The following SLC2A12 variants were observed in gnomAD, a reference collection of about 807,000 sequenced individuals.
The protein encoded by SLC2A12 is solute carrier family 2, facilitated glucose transporter member 12.
In SLC2A12, 23 loss-of-function variants were observed where a neutral mutation model predicts 41.8. The ratio of observed to expected loss-of-function variants is 0.55; its 90% CI spans 0.40 to 0.78. SLC2A12 has a LOEUF of 0.78. SLC2A12 is among the 30% of genes least tolerant of loss of function. The pLI, the probability that SLC2A12 is intolerant of heterozygous loss-of-function variation, is 0.00. For synonymous variants in SLC2A12, 295 were observed against 285.9 expected, an observed-to-expected ratio of 1.03 and a Z score of -0.32; for missense variants, 654 against 745.6, an observed-to-expected ratio of 0.88 and a Z score of 1.43.
intron 1 of SLC2A12, among the ~76,000 whole-genome samples, chr6:134,040,459 A>C (rs754737408): frequency 6.6e-6 from 1 of 152,188 alleles, no homozygotes; most frequent in Admixed American, 6.5e-5. Flanking sequence ...AGAAGCTTAC[A>C]TCATAGTGGC....
chr6:134,041,681 G>A (rs936499045), intron 1 of SLC2A12, among the ~76,000 whole-genome samples: 1 of 152,094 alleles, frequency 6.6e-6, no homozygotes, highest in Non-Finnish European at 1.5e-5. Context: ...GGCAGTCTAC[G>A]GGAATCCAAC....
intron 1 of SLC2A12, among the ~76,000 whole-genome samples, chr6:134,049,455 A>G (rs1166835315): frequency 2.6e-5 from 4 of 152,228 alleles, no homozygotes. Flanking sequence ...AGAGGCCACC[A>G]GGGTCAGTTC....
chr6:133,991,103 A>T lies in SLC2A12; in HGVS notation c.*52T>A. 1 of 1,562,220 alleles carries T rather than the reference A, an allele frequency of 6.4e-7. No homozygotes were observed. Among genetic ancestry groups the T allele is most frequent in the Non-Finnish European group, 8.6e-7 (1 of 1,157,618 alleles). The stretch of plus-strand genomic sequence containing the variant: ...GTCGCAACTATGCATTGGTCCAAAG[A>T]CACCCTCCTAAGTGTTCTGGCACTA... On this transcript the variant is annotated 3_prime_UTR_variant, in exon 5 of 5. Coordinates refer to ENST00000275230, the MANE Select transcript of SLC2A12 (RefSeq NM_145176.3).
At position 133,995,463 on chromosome 6, in the gene SLC2A12, G is replaced by A. The variant is rs148504038; in HGVS notation, c.1701-4155C>T. ...TGATTATGTCCATTTTCTCAGTGAA[G>A]TCAGAAGCAAGGCCATCAGTGAGGA... On this transcript the variant is annotated intron_variant, in intron 4 of 4. Coordinates refer to ENST00000275230, the MANE Select transcript of SLC2A12 (RefSeq NM_145176.3). Among the ~76,000 whole-genome samples the A allele has an allele frequency of 7.3e-4, 111 of 152,252 alleles. 3 individuals are homozygous for A. The highest frequency in any genetic ancestry group is 5.9e-5 in the Non-Finnish European group (4 of 68,020).
intron 2 of SLC2A12, among the ~76,000 whole-genome samples, chr6:134,022,064 G>T (rs980048951): frequency 6.6e-6 from 1 of 152,158 alleles, no homozygotes; most frequent in East Asian, 1.9e-4. Flanking sequence ...AGTAAATCGT[G>T]GCCCTATGGT....
intron 3 of SLC2A12, among the ~76,000 whole-genome samples, chr6:134,002,561 C>G (rs151121759): frequency 0.013 from 1,930 of 152,172 alleles, 43 homozygotes; most frequent in African/African-American, 0.044. Context: ...AGTTTCTGTT[C>G]GGTGGACAAT....
intron 2 of SLC2A12, among the ~76,000 whole-genome samples, chr6:134,008,277 A>G (rs1776838981): frequency 1.3e-5 from 2 of 152,170 alleles, no homozygotes; most frequent in Non-Finnish European, 2.9e-5. Flanking sequence ...TGTAGAAAAA[A>G]CATCTGCTGG....
chr6:134,009,681 T>C (rs1337590453), intron 2 of SLC2A12, among the ~76,000 whole-genome samples: 1 of 151,386 alleles, frequency 6.6e-6, no homozygotes, highest in East Asian at 1.9e-4. Flanking sequence ...TAAAATAAAA[T>C]AAAATAAAAT....
intron 1 of SLC2A12, among the ~76,000 whole-genome samples, chr6:134,037,144 A>ATTTTTTTTTTTTTTTTTTTTT (rs533155835): frequency 1.2e-5 from 1 of 83,312 alleles, no homozygotes; most frequent in African/African-American, 5.6e-5. Flanking sequence ...ACTCGATTCA[A>ATTTTTTTTTTTTTTTTTTTTT]TTTTTTTTTT....
intron 1 of SLC2A12, among the ~76,000 whole-genome samples, chr6:134,032,457 T>A (rs1435094968): frequency 4.3e-4 from 16 of 37,088 alleles, no homozygotes; most frequent in African/African-American, 1.9e-3. Context: ...TAAATATATA[T>A]ATATATATTT....
chr6:134,005,348 ATGAGCC>A (rs1315868779), intron 3 of SLC2A12, among the ~76,000 whole-genome samples: 2 of 152,154 alleles, frequency 1.3e-5, no homozygotes, highest in Non-Finnish European at 2.9e-5. Flanking sequence ...GAAAGTAACA[ATGAGCC>A]TGACCTTATT....
At chr6:134,046,157 C>CT (rs977254853) in intron 1 of SLC2A12, among the ~76,000 whole-genome samples, 2 of 152,150 alleles carry the variant, frequency 1.3e-5, no homozygotes, top group African/African-American at 4.8e-5. Flanking sequence ...ACTCCCAACT[C>CT]TAACTTCCAT....
chr6:134,005,242 T>G (rs1268489062), intron 3 of SLC2A12, among the ~76,000 whole-genome samples: 1 of 152,170 alleles, frequency 6.6e-6, no homozygotes, highest in Non-Finnish European at 1.5e-5. Context: ...AGCCATTTTT[T>G]GTTTTGCTTG....
chr6:134,026,396 A>T (rs1777112526), intron 2 of SLC2A12, among the ~76,000 whole-genome samples: 1 of 152,216 alleles, frequency 6.6e-6, no homozygotes, highest in African/African-American at 2.4e-5. Flanking sequence ...TTGGTACAAG[A>T]CTGCACCTAT....
chr6:134,051,065 C>T (rs1412910971), intron 1 of SLC2A12, among the ~76,000 whole-genome samples: 1 of 152,106 alleles, frequency 6.6e-6, no homozygotes, highest in African/African-American at 2.4e-5. Context: ...CAGGCATGTG[C>T]CACTATGCTC....
chr6:134,016,166 G>T (rs986730899), intron 2 of SLC2A12, among the ~76,000 whole-genome samples: 1 of 152,062 alleles, frequency 6.6e-6, no homozygotes, highest in Non-Finnish European at 1.5e-5. Flanking sequence ...TAATAGCCTT[G>T]TTGTAGGCTG....
rs59102121 is a variant in SLC2A12, at chr6:133,987,648, G to GTATATATATATATATA, written c.*3491_*3506dup. 3.1e-3 allele frequency: 275 copies of GTATATATATATATATA among 88,348 alleles called. 3 individuals are homozygous for GTATATATATATATATA. The highest frequency in any genetic ancestry group is 9.4e-3 in the African/African-American group (260 of 27,530). The allele number at this position is 88,348 out of a possible 1,614,324, so 5.5% of individuals were successfully genotyped here. ...TTTGTGTGTGTGTGTGTGTGTGTGT[G>GTATATATATATATATA]TATATATATATATATATATGCACCA... On this transcript the variant is annotated 3_prime_UTR_variant, in exon 5 of 5. Coordinates refer to ENST00000275230, the MANE Select transcript of SLC2A12 (RefSeq NM_145176.3).
chr6:134,050,834 G>A (rs567560819), intron 1 of SLC2A12, among the ~76,000 whole-genome samples: 10 of 152,228 alleles, frequency 6.6e-5, no homozygotes, highest in African/African-American at 2.4e-4. Context: ...GGGAACTTGT[G>A]GGCCAATGAG....
chr6:134,015,195 C>T (rs1029763877), intron 2 of SLC2A12, among the ~76,000 whole-genome samples: 3 of 152,202 alleles, frequency 2.0e-5, no homozygotes, highest in Admixed American at 2.0e-4. Flanking sequence ...AACATAAACT[C>T]ACATGACTAT....
Sources: allele counts gnomAD v4.1 joint callset (sites outside exome capture counted in the v4.1 genomes callset), GRCh38; gene constraint gnomAD v4.1.1; transcripts MANE v1.5; gene names NCBI Gene and HGNC (gene_info 2026-07-23, HGNC 2026-07-21).